DIP2B: variants seen among roughly 807,000 people sequenced by gnomAD.
The protein encoded by DIP2B is disco-interacting protein 2 homolog B.
In DIP2B, 76 loss-of-function variants were observed where a neutral mutation model predicts 198.0. That is an observed-to-expected ratio of 0.38 (90% CI 0.32 to 0.46). The LOEUF is 0.46. Ranked by LOEUF, DIP2B falls within the 20% of genes least tolerant of loss-of-function variation. DIP2B has a pLI of 0.99. For missense variants in DIP2B, 1,559 were observed against 1,978.4 expected, an observed-to-expected ratio of 0.79 and a Z score of 4.02; for synonymous variants, 701 against 739.1, an observed-to-expected ratio of 0.95 and a Z score of 0.84.
chr12:50,577,961 A>G (rs1406539626), intron 1 of DIP2B, among the ~76,000 whole-genome samples: 1 of 152,252 alleles, frequency 6.6e-6, no homozygotes, highest in African/African-American at 2.4e-5. Flanking sequence ...AGATTATGAA[A>G]CTATATCAGT....
At chr12:50,671,895 G>A (rs1028246862) in intron 5 of DIP2B, among the ~76,000 whole-genome samples, 13 of 152,200 alleles carry the variant, frequency 8.5e-5, no homozygotes, top group African/African-American at 3.1e-4. Flanking sequence ...TGTGCAGGCC[G>A]AGGATATTGG....
intron 2 of DIP2B, 101 bp downstream of exon 2, chr12:50,626,148 C>A: frequency 8.1e-7 from 1 of 1,233,996 alleles, no homozygotes; most frequent in African/African-American, 1.5e-5. Flanking sequence ...TTTTCCCTCC[C>A]TTCCTCACCA....
Position 50,505,104 on chromosome 12 carries a change from C to T in DIP2B, c.-37C>T. 7 of 1,522,752 alleles carry T rather than the reference C, an allele frequency of 4.6e-6. 2 individuals are homozygous for T. The South Asian group carries it at 8.4e-5, about 18-fold the overall frequency. The allele number at this position is 1,522,752 out of a possible 1,614,324, so 94.3% of individuals were successfully genotyped here. The stretch of plus-strand genomic sequence containing the variant: ...GTCTGTCCGTCCCTCCTTCGGCCCC[C>T]TCTCTTGTCTTCCGGAGTGTGGCTG... On this transcript the variant is annotated 5_prime_UTR_variant, in exon 1 of 38. Transcript: ENST00000301180.
intron 3 of DIP2B, among the ~76,000 whole-genome samples, chr12:50,659,983 C>A (rs1938616985): frequency 1.3e-5 from 2 of 151,874 alleles, no homozygotes; most frequent in Admixed American, 1.3e-4. Flanking sequence ...CTTCATTTTC[C>A]TCCTCCGTAA....
intron 1 of DIP2B, among the ~76,000 whole-genome samples, chr12:50,592,101 A>G (rs1958824623): frequency 6.6e-6 from 1 of 151,038 alleles, no homozygotes; most frequent in African/African-American, 2.4e-5. Flanking sequence ...CTGGTCTCGA[A>G]CTCCTGACCT....
intron 30 of DIP2B, among the ~76,000 whole-genome samples, chr12:50,731,066 A>C (rs1226604511): frequency 6.6e-6 from 1 of 152,244 alleles, no homozygotes; most frequent in East Asian, 1.9e-4. Context: ...TCAGGGTTTT[A>C]AAGATTAGTT....
At chr12:50,514,121 A>G (rs1321508462) in intron 1 of DIP2B, among the ~76,000 whole-genome samples, 1 of 144,212 alleles carries the variant, frequency 6.9e-6, no homozygotes, top group Non-Finnish European at 1.5e-5. Context: ...GCTGGAGTGC[A>G]ATGGCATGAT....
chr12:50,631,005 C>T (rs1833253645), intron 2 of DIP2B, among the ~76,000 whole-genome samples: 2 of 152,046 alleles, frequency 1.3e-5, no homozygotes, highest in Admixed American at 1.3e-4. Context: ...TTAGTATCAC[C>T]TTTATTTTAG....
intron 1 of DIP2B, among the ~76,000 whole-genome samples, chr12:50,536,271 G>GCATACATACATA (rs55888934): frequency 0.13 from 18,912 of 147,924 alleles, 1,474 homozygotes; most frequent in East Asian, 0.25. Context: ...CTAAATACGT[G>GCATACATACATA]CATACATACA....
intron 1 of DIP2B, among the ~76,000 whole-genome samples, chr12:50,505,964 C>G (rs879756737): frequency 4.0e-5 from 6 of 151,492 alleles, no homozygotes; most frequent in African/African-American, 1.5e-4. Context: ...CGTTTACTTG[C>G]AAATCCTGGC....
At chr12:50,562,554 C>CA (rs1225685958) in intron 1 of DIP2B, among the ~76,000 whole-genome samples, 1 of 151,774 alleles carries the variant, frequency 6.6e-6, no homozygotes, top group East Asian at 1.9e-4. Flanking sequence ...GGGCAACATG[C>CA]AAAACCCCTC....
intron 1 of DIP2B, among the ~76,000 whole-genome samples, chr12:50,539,469 T>C (rs1958300046): frequency 6.6e-6 from 1 of 151,852 alleles, no homozygotes; most frequent in Non-Finnish European, 1.5e-5. Flanking sequence ...AATACAAAAA[T>C]TAGCTGAGCG....
intron 1 of DIP2B, among the ~76,000 whole-genome samples, chr12:50,522,397 C>G (rs1277583248): frequency 6.6e-6 from 1 of 152,178 alleles, no homozygotes; most frequent in African/African-American, 2.4e-5. Flanking sequence ...AGGAACCTAT[C>G]CCAGCAGCTC....
chr12:50,706,047 T>G (rs1939507329), intron 20 of DIP2B, among the ~76,000 whole-genome samples: 1 of 152,212 alleles, frequency 6.6e-6, no homozygotes, highest in Admixed American at 6.5e-5. Context: ...CCTTAGACCT[T>G]TCTTTATTAG....
At chr12:50,563,392 G>A (rs531367807) in intron 1 of DIP2B, among the ~76,000 whole-genome samples, 1 of 151,566 alleles carries the variant, frequency 6.6e-6, no homozygotes, top group South Asian at 2.1e-4. Flanking sequence ...TTGCCATATT[G>A]CCCAGGCTGG....
At chr12:50,730,398 T>A (rs1157601582) in intron 30 of DIP2B, among the ~76,000 whole-genome samples, 6 of 146,320 alleles carry the variant, frequency 4.1e-5, no homozygotes, top group Non-Finnish European at 7.5e-5. Context: ...TTTTTTTTTT[T>A]AAAGGAGACA....
intron 1 of DIP2B, among the ~76,000 whole-genome samples, chr12:50,530,603 G>T (rs971572873): frequency 2.6e-5 from 4 of 152,172 alleles, no homozygotes; most frequent in African/African-American, 9.7e-5. Flanking sequence ...GTAAGACAGG[G>T]CAGGAAGACT....
chr12:50,699,344 C>G, intron 19 of DIP2B, 142 bp downstream of exon 19: 1 of 1,276,706 alleles, frequency 7.8e-7, no homozygotes, highest in South Asian at 1.4e-5. Flanking sequence ...AGTTCAAATT[C>G]TGAACTTAGG....
rs1481837252 is a variant in DIP2B at position 50,526,721 on chromosome 12, C to T, written c.100+21481C>T. ...GCGCGATCTCGGCTCACTGCAACCTCTGCCTCCCGGGTTCAAGCGATTTCC... is the reference window on the plus strand; with the variant it reads ...GCGCGATCTCGGCTCACTGCAACCTTTGCCTCCCGGGTTCAAGCGATTTCC... On this transcript the variant is annotated intron_variant, in intron 1 of 37. Coordinates refer to ENST00000301180, the MANE Select transcript of DIP2B (RefSeq NM_173602.3). Among the ~76,000 whole-genome samples, 9 of 9,108 alleles carry T rather than the reference C, an allele frequency of 9.9e-4. No homozygotes were observed. The Admixed American group carries it at 0.01, about 10-fold the overall frequency. 6.0% of individuals were successfully genotyped at this position (9,108 alleles called of 152,430 possible).
Sources: gnomAD v4.1 joint callset for allele counts (sites outside exome capture counted in the v4.1 genomes callset) on GRCh38, gnomAD v4.1.1 for gene constraint, MANE v1.5 for transcripts, NCBI Gene and HGNC (gene_info 2026-07-23, HGNC 2026-07-21) for gene names.